The following MINDY3 variants were observed in gnomAD, a reference collection of about 807,000 sequenced individuals.
The protein encoded by MINDY3 is MINDY lysine 48 deubiquitinase 3, also known as ubiquitin carboxyl-terminal hydrolase MINDY-3.
Under a neutral mutation model 69.2 loss-of-function variants are expected in MINDY3, and 38 were observed. The ratio of observed to expected loss-of-function variants is 0.55; its 90% CI spans 0.42 to 0.72. MINDY3 has a LOEUF of 0.72. Among genes scored for constraint, MINDY3 ranks in the 30% least tolerant of loss-of-function variants. The pLI is 0.00. For missense variants in MINDY3, 522 were observed against 519.0 expected, an observed-to-expected ratio of 1.01 and a Z score of -0.06; for synonymous variants, 192 against 180.1, an observed-to-expected ratio of 1.07 and a Z score of -0.53.
chr10:15,787,696 A>C (rs1465378477), intron 12 of MINDY3, among the ~76,000 whole-genome samples: 4 of 152,058 alleles, frequency 2.6e-5, no homozygotes, highest in Non-Finnish European at 5.9e-5. Flanking sequence ...CAGACCTCCT[A>C]CCTGACGTCT....
intron 1 of MINDY3, 148 bp downstream of exon 1, chr10:15,860,057 CG>C: frequency 3.1e-6 from 2 of 637,410 alleles, no homozygotes; most frequent in Non-Finnish European, 5.6e-6. Context: ...CAAGGCAGGG[CG>C]TGTCTAGAAA....
Position 15,835,888 on chromosome 10 carries a change from C to A in MINDY3, c.577-1272G>T, listed in dbSNP as rs1202904784. Among the ~76,000 whole-genome samples, 3 of 151,956 alleles carry A rather than the reference C, an allele frequency of 2.0e-5. No individual in the cohort carries two copies. The South Asian group carries it at 6.2e-4, about 31-fold the overall frequency. On this transcript the variant is annotated intron_variant, in intron 6 of 14. Transcript: ENST00000277632. ...TTTAGGCTGCTCTTATTTCAATACC[C>A]AATTTTCTAGTTTTCCTGACTCTAG...
At chr10:15,785,491 T>C (rs975201040) in intron 13 of MINDY3, among the ~76,000 whole-genome samples, 2 of 152,188 alleles carry the variant, frequency 1.3e-5, no homozygotes, top group African/African-American at 4.8e-5. Flanking sequence ...GAAATATAAT[T>C]AAAATTAATA....
At chr10:15,789,881 T>C (rs981549423) in intron 11 of MINDY3, among the ~76,000 whole-genome samples, 6 of 152,078 alleles carry the variant, frequency 3.9e-5, no homozygotes, top group Admixed American at 6.6e-5. Context: ...GTCAAACTAA[T>C]GCTGATGATG....
intron 1 of MINDY3, among the ~76,000 whole-genome samples, chr10:15,856,818 T>C (rs1446461487): frequency 6.6e-6 from 1 of 152,186 alleles, no homozygotes; most frequent in Admixed American, 6.5e-5. Context: ...CTGATTCTTA[T>C]TTTGGTTCTG....
intron 8 of MINDY3, among the ~76,000 whole-genome samples, chr10:15,824,590 T>C (rs1226187693): frequency 6.6e-6 from 1 of 152,162 alleles, no homozygotes; most frequent in African/African-American, 2.4e-5. Context: ...ACTTCATATC[T>C]TCGCAAACTT....
Position 15,830,272 on chromosome 10 carries a change from T to C in MINDY3, c.730+3358A>G, listed in dbSNP as rs187537699. On this transcript the variant is annotated intron_variant, in intron 8 of 14. Transcript: ENST00000277632. ...AACCAGTTGTTGATAAGAGTGCTCA[T>C]TATGCAGCAGTGGCAAACATGTATT... Among the ~76,000 whole-genome samples, 234 of 152,314 alleles carry C rather than the reference T, an allele frequency of 1.5e-3. 4 individuals carry two copies. In the South Asian group the frequency reaches 0.019, roughly 13 times the overall value.
At chr10:15,828,211 A>G (rs1305436164) in intron 8 of MINDY3, among the ~76,000 whole-genome samples, 3 of 152,244 alleles carry the variant, frequency 2.0e-5, no homozygotes, top group Non-Finnish European at 4.4e-5. Context: ...TGAATGTGGT[A>G]TATTTGTGCA....
In MINDY3 at chr10:15,785,011, C is replaced by A. The variant is rs139719020; in HGVS notation, c.1116+1550G>T. ...CTAACTTGGGCCTCCAGATCACTTG[C>A]AGGGCTTGTTAGACCACATTGCTGC... is the stretch of plus-strand genomic sequence containing the variant. On this transcript the variant is annotated intron_variant, in intron 13 of 14. Coordinates refer to ENST00000277632, the MANE Select transcript of MINDY3 (RefSeq NM_024948.4). 1.6e-3 allele frequency among the ~76,000 whole-genome samples: 245 copies of A among 152,264 alleles called. 1 individual carries two copies. Among genetic ancestry groups the A allele is most frequent in the African/African-American group, 5.6e-3 (231 of 41,558 alleles).
intron 10 of MINDY3, among the ~76,000 whole-genome samples, chr10:15,813,715 G>A (rs1423987250): frequency 6.6e-6 from 1 of 152,050 alleles, no homozygotes; most frequent in East Asian, 1.9e-4. Flanking sequence ...CACCTTCACC[G>A]CATAAGGCAC....
At chr10:15,849,526 C>T (rs1174165747) in intron 1 of MINDY3, among the ~76,000 whole-genome samples, 1 of 151,128 alleles carries the variant, frequency 6.6e-6, no homozygotes, top group Non-Finnish European at 1.5e-5. Flanking sequence ...AGAGATGATG[C>T]TGACGTAATG....
At chr10:15,800,736 G>T (rs549929630) in intron 10 of MINDY3, among the ~76,000 whole-genome samples, 19 of 152,258 alleles carry the variant, frequency 1.2e-4, no homozygotes, top group African/African-American at 4.3e-4. Context: ...TGCTCACTAT[G>T]TCAAGATAAA....
chr10:15,787,795 C>A (rs1191551579), intron 12 of MINDY3, among the ~76,000 whole-genome samples: 1 of 152,048 alleles, frequency 6.6e-6, no homozygotes, highest in East Asian at 1.9e-4. Context: ...TTTAATGAGT[C>A]TGAGTAAGGC....
At chr10:15,819,304 G>T (rs1035563724) in intron 9 of MINDY3, among the ~76,000 whole-genome samples, 4 of 152,170 alleles carry the variant, frequency 2.6e-5, no homozygotes, top group Non-Finnish European at 5.9e-5. Flanking sequence ...AATATACACA[G>T]AATTTGAGAA....
chr10:15,829,094 C>T (rs1840284275), intron 8 of MINDY3, among the ~76,000 whole-genome samples: 1 of 152,134 alleles, frequency 6.6e-6, no homozygotes, highest in African/African-American at 2.4e-5. Flanking sequence ...AGAACATGTA[C>T]ACAAAGAACT....
At chr10:15,803,352 T>TA (rs1454066257) in intron 10 of MINDY3, among the ~76,000 whole-genome samples, 1 of 152,106 alleles carries the variant, frequency 6.6e-6, no homozygotes, top group Admixed American at 6.6e-5. Context: ...TTAATATTAA[T>TA]ATATCAATAT....
intron 10 of MINDY3, among the ~76,000 whole-genome samples, chr10:15,807,660 C>T (rs1206859068): frequency 6.6e-6 from 1 of 152,072 alleles, no homozygotes; most frequent in Non-Finnish European, 1.5e-5. Flanking sequence ...CAGAATACTT[C>T]TAGGCCCTTC....
At chr10:15,856,346 T>G (rs1037663346) in intron 1 of MINDY3, among the ~76,000 whole-genome samples, 14 of 151,800 alleles carry the variant, frequency 9.2e-5, no homozygotes, top group African/African-American at 2.9e-4. Context: ...ACAAAAATTG[T>G]GCTACACTGA....
chr10:15,849,965 G>A (rs764959765), intron 1 of MINDY3, among the ~76,000 whole-genome samples: 41 of 152,208 alleles, frequency 2.7e-4, no homozygotes, highest in African/African-American at 9.4e-4. Flanking sequence ...TGAATGTTGC[G>A]GGAAGTTAGG....
Sources: gnomAD v4.1 joint callset for allele counts (sites outside exome capture counted in the v4.1 genomes callset) on GRCh38, gnomAD v4.1.1 for gene constraint, MANE v1.5 for transcripts, NCBI Gene and HGNC (gene_info 2026-07-23, HGNC 2026-07-21) for gene names.